Variants in SERGEF observed in about 807,000 individuals in gnomAD.
SERGEF encodes secretion-regulating guanine nucleotide exchange factor.
SERGEF carries 51 observed loss-of-function variants against 50.0 expected under a neutral mutation model. The ratio of observed to expected loss-of-function variants is 1.02; its 90% CI spans 0.81 to 1.29. The LOEUF is 1.29. SERGEF is among the 50% of genes most tolerant of loss of function. The pLI is 0.00. For synonymous variants in SERGEF, 205 were observed against 212.4 expected, an observed-to-expected ratio of 0.97 and a Z score of 0.30; for missense variants, 521 against 557.0, an observed-to-expected ratio of 0.94 and a Z score of 0.65.
Position 17,940,971 on chromosome 11 carries a change from CACAGAAAAGCTTAAACAT to C in SERGEF, c.1011+18481_1011+18498del, listed in dbSNP as rs1309586285. 4.5e-4 allele frequency among the ~76,000 whole-genome samples: 69 copies of C among 152,234 alleles called. 1 individual carries two copies. The highest frequency in any genetic ancestry group is 7.7e-4 in the East Asian group (4 of 5,188). On this transcript the variant is annotated intron_variant, in intron 9 of 10. Coordinates refer to ENST00000265965, the MANE Select transcript of SERGEF (RefSeq NM_012139.4). ...TATTTATTATAAACATTTTTAAACA[CACAGAAAAGCTTAAACAT>C]ACAGAAAAGCTTAAACATACAGAAA... is the stretch of plus-strand genomic sequence containing the variant.
chr11:17,983,715 A>G (rs900738347), intron 8 of SERGEF, among the ~76,000 whole-genome samples: 1 of 149,374 alleles, frequency 6.7e-6, no homozygotes, highest in Non-Finnish European at 1.5e-5. Flanking sequence ...AAAAGAGCAC[A>G]AAAGAGAGGT....
At chr11:17,856,392 T>A (rs1458287871) in intron 10 of SERGEF, 2 of 152,208 alleles carry the variant, frequency 1.3e-5, no homozygotes, top group Non-Finnish European at 2.9e-5. Flanking sequence ...GAATTCATCA[T>A]CCTTTGTGTA....
intron 10 of SERGEF, among the ~76,000 whole-genome samples, chr11:17,821,406 T>C (rs1850079750): frequency 6.6e-6 from 1 of 152,194 alleles, no homozygotes; most frequent in Non-Finnish European, 1.5e-5. Flanking sequence ...ACAAACTACG[T>C]TACAAGAATG....
At chr11:18,012,447 T>A in intron 1 of SERGEF, 2 of 1,026,916 alleles carry the variant, frequency 1.9e-6, no homozygotes, top group Non-Finnish European at 2.3e-6. Context: ...CAGCAGAGTG[T>A]CAGCAAATAG....
intron 9 of SERGEF, among the ~76,000 whole-genome samples, chr11:17,898,422 T>C (rs532475160): frequency 4.8e-4 from 73 of 152,320 alleles, no homozygotes; most frequent in African/African-American, 1.7e-3. Flanking sequence ...TTACTAAGAC[T>C]TTCTGGGCCT....
At chr11:17,831,612 G>GAAC (rs1001984998) in intron 10 of SERGEF, among the ~76,000 whole-genome samples, 2 of 152,154 alleles carry the variant, frequency 1.3e-5, no homozygotes, top group Non-Finnish European at 2.9e-5. Context: ...TAGGGAAGAG[G>GAAC]AACAACAACA....
At chr11:17,958,979 C>A (rs1220661882) in intron 9 of SERGEF, among the ~76,000 whole-genome samples, 4 of 152,168 alleles carry the variant, frequency 2.6e-5, no homozygotes, top group Non-Finnish European at 5.9e-5. Context: ...AGCAATTCTC[C>A]TGCCTCAGCC....
chr11:17,972,097 G>A (rs2133981706), intron 8 of SERGEF, among the ~76,000 whole-genome samples: 1 of 152,322 alleles, frequency 6.6e-6, no homozygotes, highest in African/African-American at 2.4e-5. Flanking sequence ...TGCTTCTTAT[G>A]GATGGCAAAG....
intron 10 of SERGEF, among the ~76,000 whole-genome samples, chr11:17,859,756 G>C (rs568619350): frequency 1.3e-5 from 2 of 152,144 alleles, no homozygotes; most frequent in East Asian, 1.9e-4. Flanking sequence ...AGTAACATTA[G>C]ATGCTAGAGG....
chr11:17,860,614 A>AT (rs995120102), intron 10 of SERGEF, among the ~76,000 whole-genome samples: 6 of 152,180 alleles, frequency 3.9e-5, no homozygotes, highest in Non-Finnish European at 8.8e-5. Context: ...TATTTAGAAA[A>AT]TTTTTAAACT....
chr11:17,877,734 T>G (rs138975237), intron 10 of SERGEF: 1 of 153,930 alleles, frequency 6.5e-6, no homozygotes, highest in African/African-American at 2.4e-5. Context: ...AAGCCTCTAT[T>G]AACCAGAGGT....
intron 9 of SERGEF, among the ~76,000 whole-genome samples, chr11:17,903,969 C>T (rs1303519078): frequency 6.6e-6 from 1 of 152,230 alleles, no homozygotes; most frequent in Non-Finnish European, 1.5e-5. Context: ...CCGTGTAGGC[C>T]TTGCAGGCAT....
chr11:17,900,608 T>A (rs1263006855), intron 9 of SERGEF, among the ~76,000 whole-genome samples: 1 of 152,200 alleles, frequency 6.6e-6, no homozygotes, highest in East Asian at 1.9e-4. Context: ...TGACCCTACC[T>A]AGGGGATTAG....
intron 10 of SERGEF, chr11:17,856,849 C>T (rs1466452376): frequency 6.6e-6 from 1 of 152,182 alleles, no homozygotes; most frequent in Non-Finnish European, 1.5e-5. Context: ...CTTAACTTTC[C>T]TAAAAAGCCA....
At chr11:17,947,343 G>A (rs1260485654) in intron 9 of SERGEF, among the ~76,000 whole-genome samples, 2 of 152,186 alleles carry the variant, frequency 1.3e-5, no homozygotes, top group East Asian at 3.8e-4. Flanking sequence ...AAGGGGGCTA[G>A]GAATGAGATA....
intron 9 of SERGEF, among the ~76,000 whole-genome samples, chr11:17,910,999 T>C (rs146162340): frequency 1.3e-5 from 2 of 152,272 alleles, no homozygotes; most frequent in African/African-American, 4.8e-5. Context: ...GGGAAAATAG[T>C]ACTTCAAGAC....
At chr11:17,947,469 C>G (rs564200774) in intron 9 of SERGEF, among the ~76,000 whole-genome samples, 1 of 152,300 alleles carries the variant, frequency 6.6e-6, no homozygotes, top group Non-Finnish European at 1.5e-5. Context: ...TTTACTGTAC[C>G]AGCTTTAAAG....
chr11:17,820,033 G>A (rs1198541735), intron 10 of SERGEF, among the ~76,000 whole-genome samples: 3 of 151,952 alleles, frequency 2.0e-5, no homozygotes, highest in Non-Finnish European at 2.9e-5. Flanking sequence ...TTGTAGAGGC[G>A]GGGTTTCACT....
rs551416665 is a variant in SERGEF, at chr11:17,920,522, G to T, written c.1011+38948C>A. On this transcript the variant is annotated intron_variant, in intron 9 of 10. Transcript: ENST00000265965. ...TTCAATGAACTATCTCCATTTTATA[G>T]ATGAGAAAACTGAGGCTGAGAGGAG... 5.3e-5 allele frequency among the ~76,000 whole-genome samples: 8 copies of T among 152,302 alleles called. No homozygotes were observed. The South Asian group carries it at 8.3e-4, about 16-fold the overall frequency.
Sources: allele counts gnomAD v4.1 joint callset (sites outside exome capture counted in the v4.1 genomes callset), GRCh38; gene constraint gnomAD v4.1.1; transcripts MANE v1.5; gene names NCBI Gene and HGNC (gene_info 2026-07-23, HGNC 2026-07-21).